Variants in SYN3 observed in about 807,000 individuals in gnomAD.
The protein encoded by SYN3 is synapsin III, also known as synapsin-3.
Under a neutral mutation model 65.8 loss-of-function variants are expected in SYN3, and 35 were observed. That is an observed-to-expected ratio of 0.53 (90% CI 0.41 to 0.70). The LOEUF (loss-of-function observed/expected upper bound fraction) is 0.70, where lower values mean the gene tolerates loss of function less well. Among genes scored for constraint, SYN3 ranks in the 30% least tolerant of loss-of-function variants. The pLI, the probability that SYN3 is intolerant of heterozygous loss-of-function variation, is 0.00. For synonymous variants in SYN3, 270 were observed against 292.9 expected (o/e 0.92, Z 0.80); for missense variants, 680 against 749.0 (o/e 0.91, Z 1.08).
At chr22:32,586,672 T>C (rs1448646852) in intron 7 of SYN3, among the ~76,000 whole-genome samples, 1 of 152,168 alleles carries the variant, frequency 6.6e-6, no homozygotes, top group Non-Finnish European at 1.5e-5. Flanking sequence ...ACTCAAATTT[T>C]TCACCACTCT....
At chr22:32,538,866 C>T (rs1228783002) in intron 8 of SYN3, among the ~76,000 whole-genome samples, 3 of 152,166 alleles carry the variant, frequency 2.0e-5, no homozygotes, top group African/African-American at 7.2e-5. Context: ...CCTCTCTTCT[C>T]TGATGGAGGA....
rs570290360 is a variant in SYN3, at chr22:32,596,544, G to T, written c.774+130C>A. ...CTGGGAGGGGAAGGAGATGTACTATGGATTCTTTCTAACACTCTGTTCTGG... is the reference window on the plus strand; with the variant it reads ...CTGGGAGGGGAAGGAGATGTACTATTGATTCTTTCTAACACTCTGTTCTGG... On this transcript the variant is annotated intron_variant, in intron 7 of 13. Transcript: ENST00000358763. The T allele has an allele frequency of 6.0e-5, 52 of 868,058 alleles. No individual in the cohort carries two copies. The African/African-American group carries it at 7.8e-4, about 13-fold the overall frequency. The allele number at this position is 868,058 out of a possible 1,614,324, so 53.8% of individuals were successfully genotyped here.
At chr22:32,891,977 C>CTAA (rs57171093) in intron 4 of SYN3, among the ~76,000 whole-genome samples, 15,242 of 148,218 alleles carry the variant, frequency 0.1, 1,002 homozygotes, top group African/African-American at 0.18. Flanking sequence ...TCCTTTTTAG[C>CTAA]TAATAATAAT....
intron 6 of SYN3, among the ~76,000 whole-genome samples, chr22:32,615,307 C>T (rs539159606): frequency 8.8e-4 from 133 of 151,874 alleles, no homozygotes; most frequent in Middle Eastern, 3.4e-3. Flanking sequence ...TGGTGGCAGG[C>T]GCCTGTAATC....
chr22:32,763,933 GCC>G (rs59896920), intron 6 of SYN3, among the ~76,000 whole-genome samples: 95,547 of 141,958 alleles, frequency 0.67, 32,874 homozygotes, highest in African/African-American at 0.85. Context: ...TGGTGTAGAA[GCC>G]CCCCCCCCCT....
chr22:32,646,754 AAC>A (rs2059989826), intron 6 of SYN3, among the ~76,000 whole-genome samples: 1 of 152,226 alleles, frequency 6.6e-6, no homozygotes, highest in South Asian at 2.1e-4. Flanking sequence ...GAGACTGAGA[AAC>A]AATGAAACAG....
At chr22:32,928,680 TGCCAA>T (rs2050544675) in intron 4 of SYN3, among the ~76,000 whole-genome samples, 1 of 152,206 alleles carries the variant, frequency 6.6e-6, no homozygotes, top group African/African-American at 2.4e-5. Flanking sequence ...GCTTGAAATT[TGCCAA>T]GCTTCTGCTT....
intron 7 of SYN3, among the ~76,000 whole-genome samples, chr22:32,584,509 G>C (rs2858731): frequency 0.53 from 80,714 of 152,020 alleles, 23,411 homozygotes; most frequent in African/African-American, 0.79. Context: ...CAACAGACAT[G>C]ACCAGGAAAA....
At chr22:32,971,972 T>A (rs2052035300) in intron 3 of SYN3, among the ~76,000 whole-genome samples, 1 of 152,110 alleles carries the variant, frequency 6.6e-6, no homozygotes, top group African/African-American at 2.4e-5. Flanking sequence ...ACTGGGGTGA[T>A]GGGGACAGGG....
intron 6 of SYN3, among the ~76,000 whole-genome samples, chr22:32,618,049 A>G (rs551459938): frequency 5.3e-5 from 8 of 152,236 alleles, no homozygotes; most frequent in African/African-American, 1.9e-4. Flanking sequence ...CATCACGCCT[A>G]TCTCAGTCCC....
chr22:32,939,217 G>A (rs2050868282), intron 3 of SYN3, among the ~76,000 whole-genome samples: 1 of 152,018 alleles, frequency 6.6e-6, no homozygotes, highest in African/African-American at 2.4e-5. Flanking sequence ...GAAGTAAAAT[G>A]AACAACAACA....
At chr22:32,836,754 C>T (rs2047743015) in intron 6 of SYN3, among the ~76,000 whole-genome samples, 1 of 152,118 alleles carries the variant, frequency 6.6e-6, no homozygotes. Context: ...TGGGTGTCCA[C>T]AACCTTACAG....
chr22:32,751,095 C>G (rs117306615), intron 6 of SYN3, among the ~76,000 whole-genome samples: 2 of 152,062 alleles, frequency 1.3e-5, no homozygotes, highest in East Asian at 3.9e-4. Context: ...GAGCCCAGCC[C>G]CCAGCCCCCA....
At chr22:32,646,640 G>A (rs2059987855) in intron 6 of SYN3, among the ~76,000 whole-genome samples, 1 of 152,188 alleles carries the variant, frequency 6.6e-6, no homozygotes, top group Admixed American at 6.5e-5. Context: ...GGGAGCAGGA[G>A]GATGTTGAGA....
At chr22:32,972,711 G>T (rs2052056708) in intron 3 of SYN3, among the ~76,000 whole-genome samples, 1 of 152,176 alleles carries the variant, frequency 6.6e-6, no homozygotes, top group African/African-American at 2.4e-5. Context: ...GCACAGGTCT[G>T]GCTAAGTGCA....
chr22:32,641,158 G>A (rs1165593470), intron 6 of SYN3, among the ~76,000 whole-genome samples: 1 of 152,184 alleles, frequency 6.6e-6, no homozygotes, highest in Non-Finnish European at 1.5e-5. Context: ...GTCAACAATG[G>A]TGATTAAATT....
intron 7 of SYN3, among the ~76,000 whole-genome samples, chr22:32,586,081 C>CATGTATAT (rs201531543): frequency 7.0e-6 from 1 of 142,966 alleles, no homozygotes; most frequent in Non-Finnish European, 1.5e-5. Flanking sequence ...TACATGTATA[C>CATGTATAT]ATGTATATAT....
chr22:32,871,579 G>C (rs1032565276), intron 4 of SYN3, among the ~76,000 whole-genome samples: 2 of 152,016 alleles, frequency 1.3e-5, no homozygotes, highest in Non-Finnish European at 2.9e-5. Context: ...TGGGTTGCCT[G>C]CCACTCCATC....
intron 12 of SYN3, among the ~76,000 whole-genome samples, chr22:32,525,193 G>A (rs980879510): frequency 6.6e-6 from 1 of 152,206 alleles, no homozygotes; most frequent in African/African-American, 2.4e-5. Context: ...TTTGGAAGTT[G>A]ATTCCCATCC....
Sources: allele counts gnomAD v4.1 joint callset (sites outside exome capture counted in the v4.1 genomes callset), GRCh38; gene constraint gnomAD v4.1.1; transcripts MANE v1.5; gene names NCBI Gene and HGNC (gene_info 2026-07-23, HGNC 2026-07-21).